The following CEP20 variants were observed in gnomAD, a reference collection of about 807,000 sequenced individuals.
CEP20 encodes centrosomal protein 20, also known as FGFR1OP N-terminal like.
Under a neutral mutation model 20.0 loss-of-function variants are expected in CEP20, and 18 were observed. The observed-to-expected ratio is 0.90, with a 90% CI of 0.62 to 1.34. CEP20 has a LOEUF of 1.34. Ranked by LOEUF, CEP20 falls within the 40% of genes most tolerant of loss-of-function variation. CEP20 has a pLI of 0.00. For missense variants in CEP20, 215 were observed against 201.6 expected, an observed-to-expected ratio of 1.07 and a Z score of -0.40; for synonymous variants, 77 against 73.7, an observed-to-expected ratio of 1.04 and a Z score of -0.23.
At chr16:15,887,987 A>AG (rs957037804) in intron 1 of CEP20, among the ~76,000 whole-genome samples, 3 of 150,156 alleles carry the variant, frequency 2.0e-5, no homozygotes, top group African/African-American at 7.3e-5. Flanking sequence ...CTGAGGTGGG[A>AG]GGATAGCTGG....
intron 4 of CEP20, among the ~76,000 whole-genome samples, chr16:15,872,746 CATAAAAATTTAT>C (rs59095128): frequency 0.065 from 9,845 of 151,662 alleles, 477 homozygotes; most frequent in East Asian, 0.2. Flanking sequence ...CAAAAAAATA[CATAAAAATTTAT>C]GTATTTTTAT....
intron 1 of CEP20, among the ~76,000 whole-genome samples, chr16:15,887,920 A>C (rs1305021758): frequency 1.3e-5 from 2 of 151,872 alleles, no homozygotes; most frequent in Non-Finnish European, 2.9e-5. Flanking sequence ...TCTACAAAAA[A>C]TACAAAAATT....
intron 3 of CEP20, chr16:15,877,294 A>G (rs1287766403): frequency 6.6e-6 from 1 of 152,356 alleles, no homozygotes; most frequent in Non-Finnish European, 1.5e-5. Context: ...CATCTGAAGT[A>G]GGTATCTCAA....
Position 15,888,543 on chromosome 16 carries a change from C to T in CEP20, c.28+15G>A. 1.2e-6 allele frequency: 2 copies of T among 1,614,136 alleles called. No homozygotes were observed. Among genetic ancestry groups the T allele is most frequent in the Non-Finnish European group, 1.7e-6 (2 of 1,180,008 alleles). On this transcript the variant is annotated intron_variant, in intron 1 of 4. Transcript: ENST00000255759. ...CCGACGCTTCCCATGTGGAGGCCTCCCTGCTCGCACTCACCAGCCTTCAAC... is the reference window on the plus strand; with the variant it reads ...CCGACGCTTCCCATGTGGAGGCCTCTCTGCTCGCACTCACCAGCCTTCAAC...
In CEP20 at chr16:15,867,263, A is replaced by G. The variant is rs891712553; in HGVS notation, c.*177T>C. 6.3e-6 allele frequency: 3 copies of G among 473,752 alleles called. No homozygotes were observed. Among genetic ancestry groups the G allele is most frequent in the East Asian group, 3.2e-5 (1 of 31,212 alleles). The allele number at this position is 473,752 out of a possible 1,614,324, so 29.3% of individuals were successfully genotyped here. On this transcript the variant is annotated 3_prime_UTR_variant, in exon 5 of 5. Transcript: ENST00000255759. Reference sequence around the variant, plus strand: ...TACTTTTTTTTTCAAGTCAAATCCAATAAGCTAGATGACAAGAGTTAGCTT... The same window carrying G: ...TACTTTTTTTTTCAAGTCAAATCCAGTAAGCTAGATGACAAGAGTTAGCTT...
Position 15,867,570 on chromosome 16 carries a change from T to C in CEP20, c.449-54A>G, listed in dbSNP as rs760627377. The C allele has an allele frequency of 1.8e-5, 21 of 1,146,338 alleles. No individual in the cohort carries two copies. In the East Asian group the frequency reaches 3.4e-4, roughly 19 times the overall value. The allele number at this position is 1,146,338 out of a possible 1,614,324, so 71.0% of individuals were successfully genotyped here. ...CTTATCCCAAGTCAAAACACACAGA[T>C]AGGTAGACATAGCTACAAATATCTT... On this transcript the variant is annotated intron_variant, in intron 4 of 4. Coordinates refer to ENST00000255759, the MANE Select transcript of CEP20 (RefSeq NM_144600.4).
intron 3 of CEP20, among the ~76,000 whole-genome samples, chr16:15,878,969 A>T (rs2045029333): frequency 6.6e-6 from 1 of 152,086 alleles, no homozygotes. Flanking sequence ...TTCTAGATTT[A>T]AAAAAAGGCT....
At chr16:15,870,329 A>G (rs1041363043) in intron 4 of CEP20, among the ~76,000 whole-genome samples, 1 of 152,170 alleles carries the variant, frequency 6.6e-6, no homozygotes, top group African/African-American at 2.4e-5. Flanking sequence ...TACAATATCC[A>G]CTGGTGACAA....
Position 15,884,033 on chromosome 16 carries a change from C to T in CEP20, c.201G>A (p.Lys67=). The T allele has an allele frequency of 6.2e-7, 1 of 1,613,110 alleles. No homozygotes were observed. Among genetic ancestry groups the T allele is most frequent in the African/African-American group, 1.3e-5 (1 of 74,996 alleles). The stretch of plus-strand genomic sequence containing the variant: ...CTGCTATGAGGACAGATGCTGTATA[C>T]TTATATTTGTTGAATTCTAAATACT... ...IREYLEFNKY[K]YTASVLIAES... Residue 67 remains lysine, a synonymous_variant, in exon 2 of 5, where the codon AAG becomes AAA. Coordinates refer to ENST00000255759, the MANE Select transcript of CEP20 (RefSeq NM_144600.4).
intron 4 of CEP20, among the ~76,000 whole-genome samples, chr16:15,869,075 CA>C (rs199826502): frequency 3.6e-4 from 48 of 133,960 alleles, no homozygotes; most frequent in African/African-American, 6.2e-4. Context: ...CTCTTAAAAA[CA>C]AAAAAAAAAA....
At chr16:15,884,457 T>C (rs1388153899) in intron 1 of CEP20, among the ~76,000 whole-genome samples, 28 of 152,206 alleles carry the variant, frequency 1.8e-4, no homozygotes, top group Admixed American at 1.8e-3. Context: ...TCCTACATCA[T>C]CAGCACTGTC....
intron 1 of CEP20, 84 bp downstream of exon 1, chr16:15,888,474 C>T (rs1156815923): frequency 5.1e-6 from 8 of 1,577,914 alleles, no homozygotes; most frequent in Non-Finnish European, 6.1e-6. Context: ...CCCATGTGTT[C>T]CGCGCGCTCT....
chr16:15,876,979 A>G (rs2151425451), intron 3 of CEP20, among the ~76,000 whole-genome samples: 1 of 151,992 alleles, frequency 6.6e-6, no homozygotes, highest in African/African-American at 2.4e-5. Flanking sequence ...CGGCCTCCCA[A>G]GTAGCTGGGA....
chr16:15,876,986 G>T (rs1385242671), intron 3 of CEP20, among the ~76,000 whole-genome samples: 1 of 151,690 alleles, frequency 6.6e-6, no homozygotes, highest in Non-Finnish European at 1.5e-5. Context: ...CCAAGTAGCT[G>T]GGACTACAGG....
At chr16:15,878,766 T>G (rs1402974909) in intron 3 of CEP20, among the ~76,000 whole-genome samples, 1 of 152,132 alleles carries the variant, frequency 6.6e-6, no homozygotes. Flanking sequence ...TCTGAAGTGC[T>G]GGGACTACAG....
intron 2 of CEP20, among the ~76,000 whole-genome samples, chr16:15,882,057 C>A (rs2045110588): frequency 6.6e-6 from 1 of 152,102 alleles, no homozygotes; most frequent in South Asian, 2.1e-4. Context: ...GCTGTCCTTA[C>A]CACAGTGAGT....
At chr16:15,882,016 G>T (rs1439098083) in intron 2 of CEP20, among the ~76,000 whole-genome samples, 1 of 152,044 alleles carries the variant, frequency 6.6e-6, no homozygotes, top group Non-Finnish European at 1.5e-5. Flanking sequence ...GAGTTGTTTG[G>T]GTCATGGGGG....
chr16:15,870,108 T>C (rs1008519373), intron 4 of CEP20, among the ~76,000 whole-genome samples: 3 of 152,204 alleles, frequency 2.0e-5, no homozygotes, highest in Non-Finnish European at 4.4e-5. Flanking sequence ...CTATGGTGTA[T>C]GCGTAATCTA....
At chr16:15,887,292 T>C (rs904006237) in intron 1 of CEP20, among the ~76,000 whole-genome samples, 2 of 152,230 alleles carry the variant, frequency 1.3e-5, no homozygotes, top group Admixed American at 6.5e-5. Flanking sequence ...AAGTCTGTTC[T>C]TGTGGACAGA....
Sources: allele counts gnomAD v4.1 joint callset (sites outside exome capture counted in the v4.1 genomes callset), GRCh38; gene constraint gnomAD v4.1.1; transcripts MANE v1.5; gene names NCBI Gene and HGNC (gene_info 2026-07-23, HGNC 2026-07-21).